SHROOM4: variants seen among roughly 807,000 people sequenced by gnomAD.
The protein encoded by SHROOM4 is protein Shroom4.
SHROOM4 carries 17 observed loss-of-function variants against 80.3 expected under a neutral mutation model. That is an observed-to-expected ratio of 0.21 (90% CI 0.14 to 0.32). SHROOM4 has a LOEUF of 0.32. SHROOM4 is among the 10% of genes least tolerant of loss of function. The probability of loss-of-function intolerance (pLI) is 1.00; values close to 1 mark genes in which losing one functional copy is unlikely to be tolerated. For synonymous variants in SHROOM4, 400 were observed against 437.5 expected (o/e 0.91, Z 1.07); for missense variants, 993 against 1,140.3 (o/e 0.87, Z 1.86).
At chrX:50,606,755 G>A (rs1212597745) in intron 6 of SHROOM4, among the ~76,000 whole-genome samples, 2 of 110,428 alleles carry the variant, frequency 1.8e-5, no homozygotes, top group African/African-American at 6.6e-5. Context: ...CCACATGAAT[G>A]CAAAGAGGCA....
At chrX:50,792,019 C>T (rs1269984877) in intron 1 of SHROOM4, among the ~76,000 whole-genome samples, 1 of 111,616 alleles carries the variant, frequency 9.0e-6, no homozygotes, top group Non-Finnish European at 1.9e-5. Flanking sequence ...ACACCATATG[C>T]ATACACATAA....
Position 50,635,288 on chromosome X carries a change from T to A in SHROOM4, c.785A>T (p.Tyr262Phe). 1 of 1,201,350 alleles carries A rather than the reference T, an allele frequency of 8.3e-7. No individual in the cohort carries two copies. Among genetic ancestry groups the A allele is most frequent in the Non-Finnish European group, 1.1e-6 (1 of 890,200 alleles). ...SQMSSRPQEGYQSGPAKAVRG... is the reference protein window; with the variant it reads ...SQMSSRPQEGFQSGPAKAVRG... ...GACTGCTTTGGCGGGCCCTGACTGG[T>A]ATCCCTCCTGTGGACGGGATGACAT... The change falls in exon 4 of 9, where the codon TAC (tyrosine) becomes TTC (phenylalanine). Residue 262 changes from tyrosine to phenylalanine, a missense_variant. Transcript: ENST00000376020.
At chrX:50,680,514 A>G (rs781902198) in intron 2 of SHROOM4, among the ~76,000 whole-genome samples, 2 of 111,248 alleles carry the variant, frequency 1.8e-5, no homozygotes, top group South Asian at 3.8e-4. Context: ...CTAGACATAT[A>G]AATTAATATG....
At chrX:50,761,524 T>C (rs1935154788) in intron 1 of SHROOM4, among the ~76,000 whole-genome samples, 1 of 112,132 alleles carries the variant, frequency 8.9e-6, no homozygotes, top group South Asian at 3.7e-4. Flanking sequence ...CTCAGTGATA[T>C]TGAGCTTTTC....
At chrX:50,755,008 C>T (rs1387030761) in intron 1 of SHROOM4, among the ~76,000 whole-genome samples, 3 of 112,302 alleles carry the variant, frequency 2.7e-5, no homozygotes, top group South Asian at 3.7e-4. Flanking sequence ...ATCTTCCTCA[C>T]AGGATTATGG....
rs1190030255 is a variant in SHROOM4, at chrX:50,588,977, A to G, written c.*7718T>C. On this transcript the variant is annotated 3_prime_UTR_variant, in exon 9 of 9. Coordinates refer to ENST00000376020, the MANE Select transcript of SHROOM4 (RefSeq NM_020717.5). Reference sequence around the variant, plus strand: ...CTTGGTTTATTTGCCCAATGAGCCGAAGCTCTTATCCATTCTACCACAATA... The same window carrying G: ...CTTGGTTTATTTGCCCAATGAGCCGGAGCTCTTATCCATTCTACCACAATA... Among the ~76,000 whole-genome samples, 1 of 111,778 alleles carries G rather than the reference A, an allele frequency of 8.9e-6. No individual in the cohort carries two copies. Among genetic ancestry groups the G allele is most frequent in the East Asian group, 2.8e-4 (1 of 3,558 alleles).
At chrX:50,618,220 G>A (rs1557251093) in intron 5 of SHROOM4, among the ~76,000 whole-genome samples, 1 of 109,919 alleles carries the variant, frequency 9.1e-6, no homozygotes, top group African/African-American at 3.3e-5. Flanking sequence ...TGGAGGGCAA[G>A]GAGCTTCATT....
intron 2 of SHROOM4, among the ~76,000 whole-genome samples, chrX:50,654,719 G>A (rs1019096073): frequency 9.1e-5 from 10 of 109,836 alleles, no homozygotes; most frequent in Admixed American, 2.0e-4. Flanking sequence ...CATTCCTGGT[G>A]ACCACCATTC....
intron 1 of SHROOM4, among the ~76,000 whole-genome samples, chrX:50,720,817 A>G (rs188404014): frequency 3.3e-4 from 37 of 111,883 alleles, no homozygotes; most frequent in African/African-American, 1.1e-3. Context: ...TCCTGGCTGA[A>G]GGAATAGCAG....
At position 50,634,841 on chromosome X, in the gene SHROOM4, C is replaced by A; in HGVS notation, c.1232G>T (p.Ser411Ile). 8.3e-7 allele frequency: 1 copy of A among 1,208,920 alleles called. No individual in the cohort carries two copies. The highest frequency in any genetic ancestry group is 1.7e-5 in the African/African-American group (1 of 57,796). The change falls in exon 4 of 9, where the codon AGT (serine) becomes ATT (isoleucine). Residue 411 changes from serine (S) to isoleucine (I), a missense_variant. Coordinates refer to ENST00000376020, the MANE Select transcript of SHROOM4 (RefSeq NM_020717.5). The stretch of plus-strand genomic sequence containing the variant: ...GGATGCCAGCAGCTGTTCAGGGGCA[C>A]TATGGCGATGCCCTGTGGGTCCTAT... ...HLIGPTGHRH[S>I]APEQLLASHL...
At chrX:50,703,627 C>G (rs899635068) in intron 1 of SHROOM4, among the ~76,000 whole-genome samples, 11 of 111,599 alleles carry the variant, frequency 9.9e-5, no homozygotes, top group Non-Finnish European at 1.7e-4. Context: ...TGAGGGAATT[C>G]TCATGAGAGC....
At chrX:50,716,658 T>C (rs958547183) in intron 1 of SHROOM4, among the ~76,000 whole-genome samples, 2 of 111,652 alleles carry the variant, frequency 1.8e-5, no homozygotes, top group Admixed American at 9.5e-5. Flanking sequence ...TAACTGAGTG[T>C]CCAAGGCCAC....
intron 1 of SHROOM4, among the ~76,000 whole-genome samples, chrX:50,775,280 C>T (rs958183486): frequency 4.5e-5 from 5 of 111,740 alleles, no homozygotes; most frequent in African/African-American, 6.5e-5. Context: ...CTGGGTAGGA[C>T]AGTCAATGGT....
intron 4 of SHROOM4, among the ~76,000 whole-genome samples, chrX:50,629,646 C>T (rs1276646779): frequency 1.8e-5 from 2 of 111,537 alleles, no homozygotes; most frequent in African/African-American, 6.5e-5. Context: ...TTCTCAGCTT[C>T]CTCAGCTGTA....
intron 3 of SHROOM4, 123 bp from the exon 4 acceptor site, chrX:50,635,791 A>G (rs1300851959): frequency 8.0e-5 from 35 of 439,646 alleles, no homozygotes; most frequent in East Asian, 3.3e-4. Flanking sequence ...AAAAAAAAAA[A>G]GGGGGAAGAA....
intron 1 of SHROOM4, among the ~76,000 whole-genome samples, chrX:50,719,213 G>A (rs1557265217): frequency 8.9e-6 from 1 of 111,763 alleles, no homozygotes; most frequent in East Asian, 2.8e-4. Flanking sequence ...CCTTCAAAGA[G>A]AAAGGACTTG....
rs782320013 is a variant in SHROOM4 at position 50,635,395 on chromosome X, G to A, written c.678C>T (p.Ala226=). The A allele has an allele frequency of 5.0e-6, 6 of 1,204,085 alleles. No individual in the cohort carries two copies. The African/African-American group carries it at 8.7e-5, about 18-fold the overall frequency. The change falls in exon 4 of 9, where the codon GCC becomes GCT. Residue 226 remains alanine (A), a synonymous_variant. Transcript: ENST00000376020. ...CIMQGPGPTK[A]PSGRPNVAET... is the part of the protein sequence containing the mutation. ...CAGCCACATTAGGCCGGCCACTGGGGGCCTTAGTTGGCCCTGGGCCTTGCA... is the reference window on the plus strand; with the variant it reads ...CAGCCACATTAGGCCGGCCACTGGGAGCCTTAGTTGGCCCTGGGCCTTGCA...
intron 1 of SHROOM4, among the ~76,000 whole-genome samples, chrX:50,774,183 G>A (rs1329294973): frequency 9.0e-6 from 1 of 111,331 alleles, no homozygotes. Flanking sequence ...CATTTTTGGA[G>A]TTGATAAAGG....
rs185407201 is a variant in SHROOM4 at position 50,799,652 on chromosome X, C to G, written c.117+14250G>C. On this transcript the variant is annotated intron_variant, in intron 1 of 8. Transcript: ENST00000376020. ...ACTCACATCCAAGGCCAGTCAGACA[C>G]AACATGTCAGAGCTTGCTTAAGAAA... is the stretch of plus-strand genomic sequence containing the variant. 8.2e-4 allele frequency among the ~76,000 whole-genome samples: 92 copies of G among 112,161 alleles called. 1 individual carries two copies. The highest frequency in any genetic ancestry group is 1.5e-3 in the Admixed American group (16 of 10,641).
Sources: gnomAD v4.1 joint callset for allele counts (sites outside exome capture counted in the v4.1 genomes callset) on GRCh38, gnomAD v4.1.1 for gene constraint, MANE v1.5 for transcripts, NCBI Gene and HGNC (gene_info 2026-07-23, HGNC 2026-07-21) for gene names.